The following CCDC148 variants were observed in gnomAD, a reference collection of about 807,000 sequenced individuals.
CCDC148 encodes coiled-coil domain containing 148.
A neutral mutation model predicts 85.7 loss-of-function variants in CCDC148; 89 were observed. That is an observed-to-expected ratio of 1.04 (90% CI 0.87 to 1.24). The LOEUF (loss-of-function observed/expected upper bound fraction) is 1.24. CCDC148 is among the 50% of genes most tolerant of loss of function. The pLI is 0.00. For missense variants in CCDC148, 692 were observed against 671.7 expected (o/e 1.03, Z -0.33); for synonymous variants, 230 against 213.9 (o/e 1.08, Z -0.66).
At chr2:158,217,203 C>A (rs189468969) in intron 11 of CCDC148, among the ~76,000 whole-genome samples, 81 of 151,364 alleles carry the variant, frequency 5.4e-4, no homozygotes, top group African/African-American at 1.8e-3. Flanking sequence ...AAAACAATTT[C>A]TATGTCTTTT....
At chr2:158,444,422 T>A (rs1352416039) in intron 1 of CCDC148, among the ~76,000 whole-genome samples, 2 of 152,070 alleles carry the variant, frequency 1.3e-5, no homozygotes, top group Non-Finnish European at 2.9e-5. Flanking sequence ...AATATTAAAT[T>A]TAAGTATTTG....
At position 158,438,898 on chromosome 2, in the gene CCDC148, G is replaced by T. The variant is rs532969555; in HGVS notation, c.25+17517C>A. 1.1e-4 allele frequency among the ~76,000 whole-genome samples: 17 copies of T among 152,288 alleles called. 1 individual carries two copies. The highest frequency in any genetic ancestry group is 1.7e-4 in the African/African-American group (7 of 41,564). ...AAATGCTCATCATCACTGGCCATCA[G>T]AGAAATGCAAATCAAAACCACAATG... is the stretch of plus-strand genomic sequence containing the variant. On this transcript the variant is annotated intron_variant, in intron 1 of 13. Coordinates refer to ENST00000283233, the MANE Select transcript of CCDC148 (RefSeq NM_138803.4).
At chr2:158,299,385 T>C (rs1480846756) in intron 9 of CCDC148, among the ~76,000 whole-genome samples, 1 of 152,204 alleles carries the variant, frequency 6.6e-6, no homozygotes, top group Non-Finnish European at 1.5e-5. Flanking sequence ...TATCTGCCAG[T>C]CCTTCATCTC....
Position 158,401,825 on chromosome 2 carries a change from G to A in CCDC148, c.26-43255C>T, listed in dbSNP as rs1045203836. Among the ~76,000 whole-genome samples the A allele has an allele frequency of 8.6e-5, 13 of 150,414 alleles. No individual in the cohort carries two copies. The East Asian group carries it at 1.7e-3, about 20-fold the overall frequency. ...GAGAGGGCAGGGCAAAGGAGATTAC[G>A]GGGAGAACATATCAGAATTGTTGCA... On this transcript the variant is annotated intron_variant, in intron 1 of 13. Transcript: ENST00000283233.
At position 158,402,231 on chromosome 2, in the gene CCDC148, G is replaced by A. The variant is rs939121573; in HGVS notation, c.26-43661C>T. On this transcript the variant is annotated intron_variant, in intron 1 of 13. Coordinates refer to ENST00000283233, the MANE Select transcript of CCDC148 (RefSeq NM_138803.4). ...TTAAAGGTACAGAATCAGTTAAATG[G>A]TAAGGACTAGAGTTTAATTTTTCAG... Among the ~76,000 whole-genome samples, 12 of 152,132 alleles carry A rather than the reference G, an allele frequency of 7.9e-5. No individual in the cohort carries two copies. In the East Asian group the frequency reaches 2.3e-3, roughly 29 times the overall value.
At chr2:158,198,197 C>G (rs1167321920) in intron 11 of CCDC148, among the ~76,000 whole-genome samples, 3 of 152,242 alleles carry the variant, frequency 2.0e-5, no homozygotes, top group African/African-American at 2.4e-5. Context: ...CCTGGCACCC[C>G]CTACCTGGTT....
chr2:158,388,005 A>T (rs1462799706), intron 1 of CCDC148, among the ~76,000 whole-genome samples: 1 of 152,134 alleles, frequency 6.6e-6, no homozygotes, highest in Non-Finnish European at 1.5e-5. Flanking sequence ...GCTCCTTATA[A>T]GGATTTAGGA....
intron 11 of CCDC148, among the ~76,000 whole-genome samples, chr2:158,188,317 A>G (rs1685250661): frequency 1.3e-5 from 2 of 152,044 alleles, no homozygotes; most frequent in South Asian, 4.1e-4. Context: ...GGGCCAAGAA[A>G]ATCATGTATA....
At position 158,320,942 on chromosome 2, in the gene CCDC148, C is replaced by T. The variant is rs537010844; in HGVS notation, c.765-7048G>A. ...AAAGACTTAAACTAGGTATTTAAGC[C>T]GCTATTCTTAAATACCTAGATATAC... On this transcript the variant is annotated intron_variant, in intron 7 of 13. Coordinates refer to ENST00000283233, the MANE Select transcript of CCDC148 (RefSeq NM_138803.4). Among the ~76,000 whole-genome samples, 616 of 152,142 alleles carry T rather than the reference C, an allele frequency of 4.0e-3. 9 individuals carry two copies. The highest frequency in any genetic ancestry group is 0.027 in the South Asian group (131 of 4,814).
At chr2:158,219,165 G>A (rs1407827768) in intron 11 of CCDC148, among the ~76,000 whole-genome samples, 1 of 152,178 alleles carries the variant, frequency 6.6e-6, no homozygotes, top group African/African-American at 2.4e-5. Flanking sequence ...TAAGCAGAAA[G>A]TATAGAGTTC....
At chr2:158,193,686 T>C (rs1031473404) in intron 11 of CCDC148, among the ~76,000 whole-genome samples, 14 of 152,228 alleles carry the variant, frequency 9.2e-5, no homozygotes, top group African/African-American at 2.6e-4. Context: ...CCCTGTTCAA[T>C]TGATAAAACA....
chr2:158,242,563 C>A (rs1688393411), intron 10 of CCDC148, among the ~76,000 whole-genome samples: 1 of 152,050 alleles, frequency 6.6e-6, no homozygotes, highest in Admixed American at 6.5e-5. Flanking sequence ...TCAATACCAC[C>A]CTGAGCCATT....
At chr2:158,309,010 A>G (rs1037882095) in intron 9 of CCDC148, among the ~76,000 whole-genome samples, 7 of 152,078 alleles carry the variant, frequency 4.6e-5, no homozygotes, top group Admixed American at 2.0e-4. Flanking sequence ...GCTTGCCCCA[A>G]TGTATTTCAT....
intron 2 of CCDC148, among the ~76,000 whole-genome samples, chr2:158,355,355 T>C (rs1308000872): frequency 6.6e-6 from 1 of 152,074 alleles, no homozygotes; most frequent in Non-Finnish European, 1.5e-5. Flanking sequence ...AAAATCTCCT[T>C]AAGCTGATAA....
At chr2:158,179,267 T>C (rs1684760088) in intron 11 of CCDC148, among the ~76,000 whole-genome samples, 2 of 139,844 alleles carry the variant, frequency 1.4e-5, no homozygotes, top group Non-Finnish European at 3.1e-5. Context: ...CAAGCAATTC[T>C]CCTGTCTCAG....
chr2:158,177,301 G>T (rs1684638666), intron 12 of CCDC148, among the ~76,000 whole-genome samples: 2 of 151,928 alleles, frequency 1.3e-5, no homozygotes, highest in African/African-American at 4.8e-5. Context: ...TTAATGAAAA[G>T]AAGTCACTAA....
intron 9 of CCDC148, among the ~76,000 whole-genome samples, chr2:158,279,966 A>G (rs1690186531): frequency 6.6e-6 from 1 of 151,754 alleles, no homozygotes; most frequent in Admixed American, 6.6e-5. Context: ...AGTGGGGGCC[A>G]ATATTCAACA....
chr2:158,389,236 A>G (rs1170804381), intron 1 of CCDC148, among the ~76,000 whole-genome samples: 5 of 152,230 alleles, frequency 3.3e-5, no homozygotes, highest in Admixed American at 6.6e-5. Flanking sequence ...ATAACATAAT[A>G]TATTTTTCAT....
At chr2:158,326,833 A>C (rs1315810598) in intron 7 of CCDC148, among the ~76,000 whole-genome samples, 1 of 152,106 alleles carries the variant, frequency 6.6e-6, no homozygotes, top group Non-Finnish European at 1.5e-5. Flanking sequence ...GAATGTTATC[A>C]ATTTTTGTGT....
Sources: allele counts gnomAD v4.1 joint callset (sites outside exome capture counted in the v4.1 genomes callset), GRCh38; gene constraint gnomAD v4.1.1; transcripts MANE v1.5; gene names NCBI Gene and HGNC (gene_info 2026-07-23, HGNC 2026-07-21).